CNTN5: variants seen among roughly 807,000 people sequenced by gnomAD.
The protein encoded by CNTN5 is contactin 5, also known as contactin-5.
In CNTN5, 77 loss-of-function variants were observed where a neutral mutation model predicts 129.1. That is an observed-to-expected ratio of 0.60 (90% confidence interval 0.50 to 0.72). The LOEUF (loss-of-function observed/expected upper bound fraction) is 0.72. CNTN5 is among the 30% of genes least tolerant of loss of function. The pLI, the probability that CNTN5 is intolerant of heterozygous loss-of-function variation, is 0.00. For synonymous variants in CNTN5, 509 were observed against 465.6 expected, an observed-to-expected ratio of 1.09 and a Z score of -1.20; for missense variants, 1,478 against 1,328.8, an observed-to-expected ratio of 1.11 and a Z score of -1.75.
intron 7 of CNTN5, among the ~76,000 whole-genome samples, chr11:99,941,370 A>G (rs1317161604): frequency 1.3e-5 from 2 of 151,984 alleles, no homozygotes; most frequent in East Asian, 1.9e-4. Flanking sequence ...TTTATGGCAC[A>G]TGGTAGGGAA....
chr11:99,723,355 G>C (rs1372623785), intron 3 of CNTN5, among the ~76,000 whole-genome samples: 1 of 152,086 alleles, frequency 6.6e-6, no homozygotes, highest in Non-Finnish European at 1.5e-5. Flanking sequence ...CCTACTGCAA[G>C]TGGCCCTTTA....
intron 1 of CNTN5, among the ~76,000 whole-genome samples, chr11:99,176,286 C>A (rs957330827): frequency 6.6e-6 from 1 of 151,990 alleles, no homozygotes; most frequent in African/African-American, 2.4e-5. Flanking sequence ...ACTTTCAGTG[C>A]TTAGTCATTA....
At chr11:99,824,042 A>G (rs1347461763) in intron 4 of CNTN5, among the ~76,000 whole-genome samples, 2 of 152,036 alleles carry the variant, frequency 1.3e-5, no homozygotes, top group African/African-American at 4.8e-5. Context: ...CTAGGACTCA[A>G]TTACAGTTTC....
chr11:99,157,065 T>A (rs1037990427), intron 1 of CNTN5, among the ~76,000 whole-genome samples: 11 of 152,024 alleles, frequency 7.2e-5, no homozygotes, highest in African/African-American at 2.7e-4. Flanking sequence ...AAAGATTGAA[T>A]AATATTTATA....
At chr11:99,851,316 G>A (rs1433280308) in intron 6 of CNTN5, among the ~76,000 whole-genome samples, 5 of 152,120 alleles carry the variant, frequency 3.3e-5, no homozygotes, top group African/African-American at 1.2e-4. Flanking sequence ...CGCAAAGCTG[G>A]AGTGATTTCC....
intron 2 of CNTN5, among the ~76,000 whole-genome samples, chr11:99,448,195 T>C (rs1944148276): frequency 6.6e-6 from 1 of 152,106 alleles, no homozygotes; most frequent in South Asian, 2.1e-4. Context: ...TCATCCATTG[T>C]TGGAAAAATA....
chr11:99,491,353 A>T (rs896358727), intron 2 of CNTN5, among the ~76,000 whole-genome samples: 2 of 152,124 alleles, frequency 1.3e-5, no homozygotes, highest in Non-Finnish European at 2.9e-5. Flanking sequence ...TAAGATTGCT[A>T]ACATACTGTC....
chr11:100,181,899 T>C (rs1426435167), intron 13 of CNTN5, among the ~76,000 whole-genome samples: 1 of 152,076 alleles, frequency 6.6e-6, no homozygotes, highest in African/African-American at 2.4e-5. Context: ...TCATGAGTTA[T>C]ATGACTCACT....
At chr11:100,159,643 T>C (rs768139376) in intron 13 of CNTN5, among the ~76,000 whole-genome samples, 3 of 151,916 alleles carry the variant, frequency 2.0e-5, no homozygotes, top group Non-Finnish European at 2.9e-5. Context: ...ATTTCATGCA[T>C]TGGTTTAAAG....
chr11:99,923,468 A>G (rs184273821), intron 7 of CNTN5, among the ~76,000 whole-genome samples: 377 of 152,334 alleles, frequency 2.5e-3, no homozygotes, highest in African/African-American at 8.3e-3. Context: ...GCTATCATTT[A>G]TAGATACTTT....
At chr11:99,761,066 G>A (rs1256288675) in intron 3 of CNTN5, among the ~76,000 whole-genome samples, 1 of 152,090 alleles carries the variant, frequency 6.6e-6, no homozygotes, top group Non-Finnish European at 1.5e-5. Context: ...AGTTAAAAAT[G>A]GTTCATATTC....
intron 6 of CNTN5, among the ~76,000 whole-genome samples, chr11:99,889,117 C>T (rs945904527): frequency 3.3e-5 from 5 of 152,058 alleles, no homozygotes; most frequent in African/African-American, 4.8e-5. Context: ...TATCCAGCAA[C>T]GATCCTTATT....
chr11:99,098,246 C>A (rs1866566320), intron 1 of CNTN5, among the ~76,000 whole-genome samples: 1 of 152,058 alleles, frequency 6.6e-6, no homozygotes, highest in Non-Finnish European at 1.5e-5. Flanking sequence ...ATGTTTAGGT[C>A]TGTAAACTGG....
intron 13 of CNTN5, among the ~76,000 whole-genome samples, chr11:100,129,488 G>T (rs927742642): frequency 2.6e-5 from 4 of 152,094 alleles, no homozygotes; most frequent in African/African-American, 9.7e-5. Flanking sequence ...GAAAGAGATT[G>T]CAATCACAGA....
chr11:100,060,635 T>G, intron 9 of CNTN5, among the ~76,000 whole-genome samples: 1 of 106,134 alleles, frequency 9.4e-6, no homozygotes, highest in Non-Finnish European at 1.8e-5. Context: ...ATAACAATTT[T>G]TTTTCTTTTT....
At chr11:99,557,607 AT>A (rs1948714923) in intron 3 of CNTN5, among the ~76,000 whole-genome samples, 1 of 151,644 alleles carries the variant, frequency 6.6e-6, no homozygotes, top group South Asian at 2.1e-4. Flanking sequence ...TTTAAGCTAT[AT>A]TTTTTAAATT....
chr11:100,089,516 A>G (rs1944673755), intron 13 of CNTN5, among the ~76,000 whole-genome samples: 1 of 152,168 alleles, frequency 6.6e-6, no homozygotes, highest in Non-Finnish European at 1.5e-5. Flanking sequence ...TCAAAGACCT[A>G]CAACCAAAAA....
chr11:99,382,925 C>T (rs372663637), intron 2 of CNTN5, among the ~76,000 whole-genome samples: 4 of 123,846 alleles, frequency 3.2e-5, no homozygotes, highest in South Asian at 2.7e-4. Context: ...AGCCTGATCT[C>T]GGCTCACTGC....
At chr11:99,051,500 C>A (rs1864425599) in intron 1 of CNTN5, among the ~76,000 whole-genome samples, 1 of 151,910 alleles carries the variant, frequency 6.6e-6, no homozygotes, top group Non-Finnish European at 1.5e-5. Flanking sequence ...TGACAAAAAT[C>A]ACCAAGGGGA....
Sources: gnomAD v4.1 joint callset for allele counts (sites outside exome capture counted in the v4.1 genomes callset) on GRCh38, gnomAD v4.1.1 for gene constraint, MANE v1.5 for transcripts, NCBI Gene and HGNC (gene_info 2026-07-23, HGNC 2026-07-21) for gene names.